The following METTL21C variants were observed in gnomAD, a reference collection of about 807,000 sequenced individuals.
METTL21C encodes the protein methyltransferase 21C, AARS1 lysine.
In METTL21C, 21 loss-of-function variants were observed where a neutral mutation model predicts 25.9. The ratio of observed to expected loss-of-function variants is 0.81; its 90% CI spans 0.58 to 1.17. METTL21C has a LOEUF of 1.17. METTL21C is among the 50% of genes most tolerant of loss of function. METTL21C has a pLI of 0.00. For synonymous variants in METTL21C, 125 were observed against 124.7 expected (o/e 1.00, Z -0.01); for missense variants, 312 against 315.1 (o/e 0.99, Z 0.07).
chr13:102,698,341 C>T (rs1440928905), upstream of METTL21C, among the ~76,000 whole-genome samples: 1 of 152,114 alleles, frequency 6.6e-6, no homozygotes, highest in Non-Finnish European at 1.5e-5. Flanking sequence ...GAGCTTGCAG[C>T]ACACGCAGCA....
upstream of METTL21C, among the ~76,000 whole-genome samples, chr13:102,699,416 C>T (rs543254420): frequency 7.2e-5 from 11 of 152,250 alleles, no homozygotes; most frequent in African/African-American, 2.2e-4. Flanking sequence ...GCTGTTTCAC[C>T]ACAGCTCGCC....
chr13:102,697,284 G>A (rs190722433), upstream of METTL21C, among the ~76,000 whole-genome samples: 10 of 152,146 alleles, frequency 6.6e-5, no homozygotes, highest in Admixed American at 3.3e-4. Flanking sequence ...TCTCAAGGGG[G>A]AGTCCTCCCC....
At chr13:102,694,133 C>G (rs1885892182) in intron 1 of METTL21C, among the ~76,000 whole-genome samples, 2 of 151,700 alleles carry the variant, frequency 1.3e-5, no homozygotes, top group East Asian at 3.9e-4. Flanking sequence ...AGAAAAAAAA[C>G]AAATGTGCAA....
intron 1 of METTL21C, among the ~76,000 whole-genome samples, chr13:102,691,310 T>A (rs1459185049): frequency 6.6e-6 from 1 of 151,852 alleles, no homozygotes; most frequent in Admixed American, 6.6e-5. Flanking sequence ...ACGAATGAGC[T>A]GTCTGGATAC....
chr13:102,691,475 G>C (rs1412741294), intron 1 of METTL21C, among the ~76,000 whole-genome samples: 1 of 151,998 alleles, frequency 6.6e-6, no homozygotes, highest in African/African-American at 2.4e-5. Flanking sequence ...TCAGCCTCCT[G>C]AGTAACTGGG....
chr13:102,696,794 C>T (rs1395917971), upstream of METTL21C, among the ~76,000 whole-genome samples: 1 of 152,152 alleles, frequency 6.6e-6, no homozygotes, highest in Non-Finnish European at 1.5e-5. Context: ...GAGAATTGTT[C>T]TCTGACATAT....
chr13:102,689,901 G>A (rs137908356), intron 2 of METTL21C, among the ~76,000 whole-genome samples: 27 of 152,344 alleles, frequency 1.8e-4, no homozygotes, highest in African/African-American at 5.8e-4. Context: ...CAGGAGCACT[G>A]TAGACATTAC....
At chr13:102,688,646 G>A (rs1388556387) in intron 2 of METTL21C, among the ~76,000 whole-genome samples, 1 of 152,136 alleles carries the variant, frequency 6.6e-6, no homozygotes, top group African/African-American at 2.4e-5. Flanking sequence ...GGTCCTTAAG[G>A]AGAGAAGAGA....
chr13:102,694,342 T>A (rs1885897268), intron 1 of METTL21C, 27 bp downstream of exon 1: 1 of 1,595,560 alleles, frequency 6.3e-7, no homozygotes, highest in East Asian at 2.3e-5. Flanking sequence ...TGAGGAAAAC[T>A]GTTGAAGTGA....
intron 1 of METTL21C, among the ~76,000 whole-genome samples, chr13:102,692,529 A>C (rs1885857385): frequency 6.6e-6 from 1 of 152,144 alleles, no homozygotes; most frequent in African/African-American, 2.4e-5. Flanking sequence ...CTAGAAATTC[A>C]TTTTTGTTGT....
chr13:102,689,455 C>G (rs1254624217), intron 2 of METTL21C, among the ~76,000 whole-genome samples: 1 of 152,204 alleles, frequency 6.6e-6, no homozygotes, highest in Non-Finnish European at 1.5e-5. Context: ...CTTTGGCTAC[C>G]CTTCTCCCCA....
upstream of METTL21C, among the ~76,000 whole-genome samples, chr13:102,698,778 G>T (rs1252580515): frequency 6.6e-6 from 1 of 152,140 alleles, no homozygotes; most frequent in African/African-American, 2.4e-5. Flanking sequence ...TTTCTCTGCT[G>T]CCTCCTGGCT....
rs764557486 is a variant in METTL21C at position 102,686,219 on chromosome 13, C to G, written c.607G>C (p.Asp203His). Residue 203 changes from aspartate to histidine, a missense_variant, in exon 4 of 4, where the codon GAC (aspartate) becomes CAC (histidine). Transcript: ENST00000267273. Reference protein sequence around the residue: ...SDVVYHHYFLDKLLTTMVYLS... With the variant: ...SDVVYHHYFLHKLLTTMVYLS... ...TACACCATGGTGGTGAGCAGCTTGT[C>G]CAGGAAGTAGTGATGGTAGACCACA... is the stretch of plus-strand genomic sequence containing the variant. The G allele has an allele frequency of 1.2e-6, 2 of 1,614,136 alleles. No homozygotes were observed. The highest frequency in any genetic ancestry group is 1.7e-6 in the Non-Finnish European group (2 of 1,180,018).
At chr13:102,699,703 AT>A (rs1273057252), upstream of METTL21C, among the ~76,000 whole-genome samples, 1 of 152,154 alleles carries the variant, frequency 6.6e-6, no homozygotes, top group African/African-American at 2.4e-5. Flanking sequence ...TCAAAGTGAA[AT>A]CATGCAATTT....
chr13:102,702,961 T>C, the METTL21C span, among the ~76,000 whole-genome samples: 2 of 152,252 alleles, frequency 1.3e-5, no homozygotes, highest in African/African-American at 4.8e-5. Context: ...TGCCATTTGC[T>C]ATATAACAAT....
intron 2 of METTL21C, among the ~76,000 whole-genome samples, chr13:102,688,209 G>GGAGAC (rs961507510): frequency 2.0e-5 from 3 of 152,168 alleles, no homozygotes; most frequent in Admixed American, 1.3e-4. Context: ...CAGGATGATT[G>GGAGAC]GAGACGTGTC....
chr13:102,688,492 T>A (rs1885738177), intron 2 of METTL21C, among the ~76,000 whole-genome samples: 1 of 152,092 alleles, frequency 6.6e-6, no homozygotes. Context: ...GCCGACTTCA[T>A]GGGGCCGGGG....
intron 1 of METTL21C, among the ~76,000 whole-genome samples, chr13:102,691,214 A>AT (rs1885822912): frequency 6.6e-6 from 1 of 152,158 alleles, no homozygotes; most frequent in African/African-American, 2.4e-5. Context: ...CCTTTTCTTT[A>AT]TTTAGGGGAG....
chr13:102,696,047 A>G (rs1028866888), upstream of METTL21C, among the ~76,000 whole-genome samples: 3 of 152,248 alleles, frequency 2.0e-5, no homozygotes, highest in Admixed American at 2.0e-4. Flanking sequence ...ATCTAGAGAA[A>G]GAAACCTCAC....
Sources: allele counts gnomAD v4.1 joint callset (sites outside exome capture counted in the v4.1 genomes callset), GRCh38; gene constraint gnomAD v4.1.1; transcripts MANE v1.5; gene names NCBI Gene and HGNC (gene_info 2026-07-23, HGNC 2026-07-21).